The following DHPS variants were observed in gnomAD, a reference collection of about 807,000 sequenced individuals.
DHPS encodes the protein migration-inducing gene 13.
DHPS carries 24 observed loss-of-function variants against 38.7 expected under a neutral mutation model. That is an observed-to-expected ratio of 0.62 (90% CI 0.45 to 0.87). The LOEUF is 0.87. Ranked by LOEUF, DHPS falls within the 40% of genes least tolerant of loss-of-function variation. DHPS has a pLI of 0.00. For synonymous variants in DHPS, 250 were observed against 204.4 expected, an observed-to-expected ratio of 1.22 and a Z score of -1.90; for missense variants, 510 against 497.6, an observed-to-expected ratio of 1.02 and a Z score of -0.24.
At chr19:12,675,606 C>T (rs574348007), downstream of DHPS, 29 of 1,604,604 alleles carry the variant, frequency 1.8e-5, no homozygotes, top group Admixed American at 8.3e-5. Context: ...GCCTGCTGAC[C>T]GCCATGGGAG....
At position 12,676,751 on chromosome 19, in the gene DHPS, A is replaced by G. The variant is rs532263368; in HGVS notation, c.888+357T>C. 82 of 313,922 alleles carry G rather than the reference A, an allele frequency of 2.6e-4. 3 individuals carry two copies. The highest frequency in any genetic ancestry group is 2.4e-3 in the South Asian group (79 of 32,280). 19.4% of individuals were successfully genotyped at this position (313,922 alleles called of 1,614,324 possible). On this transcript the variant is annotated intron_variant, in intron 7 of 8. Transcript: ENST00000210060. ...TGTTCCCTCTCCTGGGAACTTTGCA[A>G]TCCAGAAGCTCAATGCTAGTACAGC...
At chr19:12,677,458 T>C (rs2024644877) in intron 5 of DHPS, 62 bp from the exon 6 acceptor site, 2 of 1,388,918 alleles carry the variant, frequency 1.4e-6, no homozygotes. Context: ...GCTGGCTATA[T>C]GACTATCTGA....
At chr19:12,680,588 C>T (rs2024773782) in intron 1 of DHPS, among the ~76,000 whole-genome samples, 1 of 150,182 alleles carries the variant, frequency 6.7e-6, no homozygotes, top group Admixed American at 6.7e-5. Context: ...GGCTAGAGTG[C>T]AATGGCGCGA....
downstream of DHPS, chr19:12,675,411 G>A: frequency 1.4e-6 from 2 of 1,455,564 alleles, no homozygotes; most frequent in Non-Finnish European, 1.8e-6. Flanking sequence ...TGAAGGTCGG[G>A]GAGAGGTGAC....
chr19:12,673,618 A>G (rs1004050978), downstream of DHPS, among the ~76,000 whole-genome samples: 4 of 151,880 alleles, frequency 2.6e-5, no homozygotes, highest in African/African-American at 9.7e-5. Context: ...GGGTTTCACT[A>G]TGTTGGTCAG....
intron 7 of DHPS, 55 bp downstream of exon 7, chr19:12,677,053 T>C (rs766570016): frequency 6.5e-7 from 1 of 1,538,336 alleles, no homozygotes; most frequent in Non-Finnish European, 9.0e-7. Context: ...GCACATGGCA[T>C]AGGCCCACCA....
Position 12,677,222 on chromosome 19 carries a change from A to G in DHPS, c.785-11T>C, listed in dbSNP as rs756557667. ...TGATGAGCCTCAGGTCTGGGGGAAG[A>G]GCGCCGAAGTCAGGCCTTGGACTCA... On this transcript the variant is annotated splice_polypyrimidine_tract_variant and intron_variant, in intron 6 of 8. Transcript: ENST00000210060. The G allele has an allele frequency of 1.2e-6, 2 of 1,614,070 alleles. No individual in the cohort carries two copies. The highest frequency in any genetic ancestry group is 1.7e-6 in the Non-Finnish European group (2 of 1,180,018).
chr19:12,678,125 G>A (rs1157528695), intron 5 of DHPS, among the ~76,000 whole-genome samples: 1 of 151,840 alleles, frequency 6.6e-6, no homozygotes, highest in Admixed American at 6.6e-5. Flanking sequence ...GGTGGCACAT[G>A]CCTATAATCC....
chr19:12,674,741 T>C (rs1413499853), downstream of DHPS, among the ~76,000 whole-genome samples: 1 of 152,072 alleles, frequency 6.6e-6, no homozygotes, highest in Non-Finnish European at 1.5e-5. Context: ...AACATGGTAG[T>C]GGCAGAAAAT....
intron 7 of DHPS, 112 bp downstream of exon 7, chr19:12,676,996 C>A: frequency 1.0e-6 from 1 of 967,206 alleles, no homozygotes; most frequent in East Asian, 2.6e-5. Flanking sequence ...GAACATCAGT[C>A]CCGGGGAGCA....
rs749130070 is a variant in DHPS, at chr19:12,679,459, T to C, written c.676A>G (p.Lys226Glu). 1 of 1,614,154 alleles carries C rather than the reference T, an allele frequency of 6.2e-7. No homozygotes were observed. Among genetic ancestry groups the C allele is most frequent in the East Asian group, 2.2e-5 (1 of 44,890 alleles). Reference protein sequence around the residue: ...NPESVYYWAQKNHIPVFSPAL... With the variant: ...NPESVYYWAQENHIPVFSPAL... ...TTTGCTCCCGCTTAGGTCCTCACCTTCTGGGCCCAGTAATACACGGACTCT... is the reference window on the plus strand; with the variant it reads ...TTTGCTCCCGCTTAGGTCCTCACCTCCTGGGCCCAGTAATACACGGACTCT... The change falls in exon 5 of 9, where the codon AAG becomes GAG. Residue 226 changes from lysine (K) to glutamate (E), a missense_variant and splice_region_variant. Transcript: ENST00000210060.
At chr19:12,674,582 AG>A (rs752077761), downstream of DHPS, among the ~76,000 whole-genome samples, 86 of 152,192 alleles carry the variant, frequency 5.7e-4, 1 homozygote, top group Non-Finnish European at 1.6e-4. Flanking sequence ...GACATTTTCA[AG>A]GTGGAAAGAG....
Position 12,681,606 on chromosome 19 carries a change from A to G in DHPS, c.161T>C (p.Phe54Ser). ...ALLEAFGTTG[F>S]QATNFGRAVQ... ...AGCGCGCCCGAAGTTGGTTGCTTGG[A>G]AGCCGGTGGTGCCGAAGGCCTCCAG... The change falls in exon 1 of 9, where the codon TTC becomes TCC. Residue 54 changes from phenylalanine to serine, a missense_variant. Physicochemically the swap from Phe to Ser is radical, Grantham distance 155 (BLOSUM62 -2). Transcript: ENST00000210060. 6.2e-7 allele frequency: 1 copy of G among 1,614,240 alleles called. No homozygotes were observed. The highest frequency in any genetic ancestry group is 8.5e-7 in the Non-Finnish European group (1 of 1,180,034).
At chr19:12,672,726 AGCT>A (rs2024458372), downstream of DHPS, 1 of 1,038,866 alleles carries the variant, frequency 9.6e-7, no homozygotes, top group Non-Finnish European at 1.4e-6. Flanking sequence ...TCAAGGCCAG[AGCT>A]TCAGAATTCC....
downstream of DHPS, chr19:12,675,580 C>T: frequency 3.1e-6 from 5 of 1,606,078 alleles, no homozygotes; most frequent in Non-Finnish European, 3.4e-6. Context: ...GCTGGCCTAC[C>T]ACCCAACAGA....
rs757086536 is a variant in DHPS, at chr19:12,681,584, G to C, written c.183C>G (p.Arg61=). 2 of 1,614,248 alleles carry C rather than the reference G, an allele frequency of 1.2e-6. No homozygotes were observed. The highest frequency in any genetic ancestry group is 1.7e-5 in the Admixed American group (1 of 60,030). ...TTGFQATNFG[R]AVQQVNAMIE... ...CCATGGCATTGACTTGCTGTACAGC[G>C]CGCCCGAAGTTGGTTGCTTGGAAGC... Residue 61 remains arginine (R), a synonymous_variant, in exon 1 of 9, where the codon CGC becomes CGG. Coordinates refer to ENST00000210060, the MANE Select transcript of DHPS (RefSeq NM_001930.4).
chr19:12,672,973 C>T, downstream of DHPS: 9 of 1,600,060 alleles, frequency 5.6e-6, no homozygotes, highest in Non-Finnish European at 7.7e-6. Context: ...CCAGGGGCAC[C>T]CCACCCTCAC....
downstream of DHPS, among the ~76,000 whole-genome samples, chr19:12,674,079 G>C (rs930933024): frequency 1.1e-4 from 16 of 152,346 alleles, no homozygotes; most frequent in East Asian, 1.9e-4. Context: ...GCCTGCGCAT[G>C]CATCAGTCAG....
intron 7 of DHPS, chr19:12,676,383 G>C: frequency 1.9e-6 from 1 of 513,244 alleles, no homozygotes; most frequent in Admixed American, 3.7e-5. Context: ...CCATCTGCAA[G>C]GCAGGAGCTG....
Sources: allele counts gnomAD v4.1 joint callset (sites outside exome capture counted in the v4.1 genomes callset), GRCh38; gene constraint gnomAD v4.1.1; transcripts MANE v1.5; gene names NCBI Gene and HGNC (gene_info 2026-07-23, HGNC 2026-07-21).